Variants in CEP89 observed in about 807,000 individuals in gnomAD.
CEP89 encodes centrosomal protein of 89 kDa.
CEP89 carries 95 observed loss-of-function variants against 97.6 expected under a neutral mutation model. The observed-to-expected ratio is 0.97, with a 90% CI of 0.82 to 1.15. The LOEUF (loss-of-function observed/expected upper bound fraction) is 1.15. CEP89 is among the 50% of genes most tolerant of loss of function. CEP89 has a pLI of 0.00. For synonymous variants in CEP89, 354 were observed against 349.1 expected (o/e 1.01, Z -0.16); for missense variants, 869 against 947.7 (o/e 0.92, Z 1.09).
At chr19:32,966,014 T>C (rs1343853844) in intron 2 of CEP89, 1 of 160,520 alleles carries the variant, frequency 6.2e-6, no homozygotes. Flanking sequence ...CAAGACTCCG[T>C]TTCGAAGGAA....
chr19:32,927,225 T>C (rs1457830485), intron 9 of CEP89, among the ~76,000 whole-genome samples: 1 of 152,130 alleles, frequency 6.6e-6, no homozygotes, highest in Non-Finnish European at 1.5e-5. Flanking sequence ...TCTATCTATA[T>C]GTATATATGT....
intron 2 of CEP89, chr19:32,963,651 A>C (rs1252112456): frequency 6.6e-6 from 1 of 152,258 alleles, no homozygotes; most frequent in Non-Finnish European, 1.5e-5. Flanking sequence ...GAAATTTTCC[A>C]TGAAAGAGCT....
intron 14 of CEP89, among the ~76,000 whole-genome samples, chr19:32,911,906 A>G (rs1321842443): frequency 6.6e-6 from 1 of 152,142 alleles, no homozygotes; most frequent in Non-Finnish European, 1.5e-5. Context: ...CCTTATTACA[A>G]AAGTGAATAG....
chr19:32,892,129 CATATATATTTAGACAT>C (rs1342732089), intron 16 of CEP89, among the ~76,000 whole-genome samples: 5 of 126,428 alleles, frequency 4.0e-5, no homozygotes, highest in Non-Finnish European at 6.1e-5. Flanking sequence ...TATATTTAGA[CATATATATTTAGACAT>C]ATATATATTT....
chr19:32,896,875 C>T (rs1969654804), intron 16 of CEP89, among the ~76,000 whole-genome samples: 2 of 151,732 alleles, frequency 1.3e-5, no homozygotes, highest in Non-Finnish European at 2.9e-5. Flanking sequence ...AATAGACATT[C>T]CCCAAAAGCA....
At chr19:32,903,474 A>G (rs558349100) in intron 14 of CEP89, among the ~76,000 whole-genome samples, 1 of 152,336 alleles carries the variant, frequency 6.6e-6, no homozygotes, top group East Asian at 1.9e-4. Context: ...ATGCTCCTAC[A>G]TTTGAGAAAG....
chr19:32,912,827 G>A (rs923860925), intron 14 of CEP89, among the ~76,000 whole-genome samples: 1 of 151,696 alleles, frequency 6.6e-6, no homozygotes, highest in Admixed American at 6.6e-5. Context: ...TGGATCACGA[G>A]GTCAGGAGAT....
chr19:32,950,552 C>G (rs1050873546), intron 4 of CEP89, among the ~76,000 whole-genome samples: 1 of 152,174 alleles, frequency 6.6e-6, no homozygotes, highest in African/African-American at 2.4e-5. Flanking sequence ...GAGTGAAACT[C>G]TGCCCCCTTC....
chr19:32,960,821 T>A (rs1429550694), intron 2 of CEP89, among the ~76,000 whole-genome samples: 3 of 139,688 alleles, frequency 2.1e-5, no homozygotes, highest in Non-Finnish European at 4.7e-5. Context: ...AAAAAAAAAA[T>A]AGTAAAACAA....
intron 1 of CEP89, among the ~76,000 whole-genome samples, chr19:32,967,341 G>A (rs1971304993): frequency 6.6e-6 from 1 of 152,102 alleles, no homozygotes; most frequent in Admixed American, 6.6e-5. Flanking sequence ...CATTTTCTTG[G>A]CACGAGCCAT....
At chr19:32,898,863 C>T (rs1350958504) in intron 16 of CEP89, among the ~76,000 whole-genome samples, 1 of 129,374 alleles carries the variant, frequency 7.7e-6, no homozygotes, top group African/African-American at 3.0e-5. Context: ...GCCTGGGTGA[C>T]AGCGTGAGAC....
At chr19:32,883,015 C>G (rs565442435) in intron 17 of CEP89, among the ~76,000 whole-genome samples, 1 of 151,952 alleles carries the variant, frequency 6.6e-6, no homozygotes, top group African/African-American at 2.4e-5. Context: ...CCCACCACCA[C>G]ACCTGGTTAA....
In CEP89 at chr19:32,898,881, T is replaced by TAAA. The variant is rs56965428; in HGVS notation, c.1875+973_1875+975dup. Among the ~76,000 whole-genome samples the TAAA allele has an allele frequency of 6.6e-4, 84 of 127,470 alleles. 2 individuals are homozygous for TAAA. Among genetic ancestry groups the TAAA allele is most frequent in the East Asian group, 5.2e-3 (23 of 4,414 alleles). 83.6% of individuals were successfully genotyped at this position (127,470 alleles called of 152,430 possible). On this transcript the variant is annotated intron_variant, in intron 16 of 18. Transcript: ENST00000305768. ...TGGGTGACAGCGTGAGACTCCATCT[T>TAAA]AAAAAAAAAAAAAAAAAAAAGATAA...
At chr19:32,940,411 T>C (rs1229571675) in intron 5 of CEP89, among the ~76,000 whole-genome samples, 3 of 136,498 alleles carry the variant, frequency 2.2e-5, no homozygotes, top group Non-Finnish European at 4.7e-5. Context: ...CATGCCGGGC[T>C]CCTCCTCTCC....
rs1008022735 is a variant in CEP89 at position 32,902,042 on chromosome 19, G to C, written c.1566-630C>G. On this transcript the variant is annotated intron_variant, in intron 14 of 18. Coordinates refer to ENST00000305768, the MANE Select transcript of CEP89 (RefSeq NM_032816.5). ...TGTGTGTGTGTGTGTGTGTGTGTGT[G>C]TGTATGTGTGTGTATACCCTATTCC... Among the ~76,000 whole-genome samples, 3 of 150,594 alleles carry C rather than the reference G, an allele frequency of 2.0e-5. No individual in the cohort carries two copies. In the East Asian group the frequency reaches 5.8e-4, roughly 29 times the overall value.
chr19:32,964,678 T>C (rs1489198320), intron 2 of CEP89, among the ~76,000 whole-genome samples: 1 of 152,200 alleles, frequency 6.6e-6, no homozygotes, highest in East Asian at 1.9e-4. Context: ...GTGTATTTTA[T>C]GTAACTCCAC....
At chr19:32,964,790 C>T (rs1423213199) in intron 2 of CEP89, among the ~76,000 whole-genome samples, 1 of 151,982 alleles carries the variant, frequency 6.6e-6, no homozygotes, top group Non-Finnish European at 1.5e-5. Flanking sequence ...CAGAGAGGGG[C>T]AGGGGGAAGG....
At position 32,944,240 on chromosome 19, in the gene CEP89, CTCT is replaced by C. The variant is rs962806258; in HGVS notation, c.595+4023_595+4025del. ...CCCTGTAAAAAAAAAAAAAAAAAGACTCTTCTTCTGACTGAGGGGATGAATGAA... is the reference window on the plus strand; with the variant it reads ...CCCTGTAAAAAAAAAAAAAAAAAGACTCTTCTGACTGAGGGGATGAATGAA... On this transcript the variant is annotated intron_variant, in intron 5 of 18. Coordinates refer to ENST00000305768, the MANE Select transcript of CEP89 (RefSeq NM_032816.5). Among the ~76,000 whole-genome samples, 467 of 49,336 alleles carry C rather than the reference CTCT, an allele frequency of 9.5e-3. 5 individuals carry two copies. The highest frequency in any genetic ancestry group is 0.039 in the African/African-American group (433 of 11,086). The allele number at this position is 49,336 out of a possible 152,430, so 32.4% of individuals were successfully genotyped here.
At chr19:32,934,916 C>T (rs753615519) in intron 7 of CEP89, among the ~76,000 whole-genome samples, 3 of 152,142 alleles carry the variant, frequency 2.0e-5, no homozygotes, top group South Asian at 2.1e-4. Context: ...AGTTCGAGAC[C>T]GGCCTGAGCA....
Sources: allele counts gnomAD v4.1 joint callset (sites outside exome capture counted in the v4.1 genomes callset), GRCh38; gene constraint gnomAD v4.1.1; transcripts MANE v1.5; gene names NCBI Gene and HGNC (gene_info 2026-07-23, HGNC 2026-07-21).